Variants in PTPN21 observed in about 807,000 individuals in gnomAD.
The protein encoded by PTPN21 is tyrosine-protein phosphatase non-receptor type 21.
PTPN21 carries 77 observed loss-of-function variants against 131.8 expected under a neutral mutation model. The observed-to-expected ratio is 0.58, with a 90% confidence interval of 0.49 to 0.71. The LOEUF is 0.71. Ranked by LOEUF, PTPN21 falls within the 30% of genes least tolerant of loss-of-function variation. The probability of loss-of-function intolerance (pLI) is 0.00; values close to 1 mark genes in which losing one functional copy is unlikely to be tolerated. For synonymous variants in PTPN21, 715 were observed against 621.3 expected (o/e 1.15, Z -2.24); for missense variants, 1,552 against 1,527.1 (o/e 1.02, Z -0.27).
At chr14:88,522,923 G>A (rs2078417957) in intron 2 of PTPN21, among the ~76,000 whole-genome samples, 1 of 136,602 alleles carries the variant, frequency 7.3e-6, no homozygotes, top group Admixed American at 8.2e-5. Flanking sequence ...TTCTCATCAG[G>A]CAAAGATTTT....
Position 88,473,748 on chromosome 14 carries a change from C to T in PTPN21, c.2566G>A (p.Ala856Thr). Residue 856 changes from alanine (A) to threonine (T), a missense_variant, in exon 14 of 19, where the codon GCC becomes ACC. Transcript: ENST00000556564. Reference sequence around the variant, plus strand: ...CGAGATAGGGAGAGTCCATTTAGGGCAGCCAGTTTAAGAGGACCAATTTTT... The same window carrying T: ...CGAGATAGGGAGAGTCCATTTAGGGTAGCCAGTTTAAGAGGACCAATTTTT... ...AKKIGPLKLA[A>T]LNGLSLSRVP... is the part of the protein sequence containing the mutation. The T allele has an allele frequency of 6.2e-7, 1 of 1,611,006 alleles. No homozygotes were observed. The highest frequency in any genetic ancestry group is 8.5e-7 in the Non-Finnish European group (1 of 1,179,414).
Position 88,479,060 on chromosome 14 carries a change from GC to G in PTPN21, c.2370del (p.Leu791CysfsTer2). 3 of 1,606,888 alleles carry G rather than the reference GC, an allele frequency of 1.9e-6. No homozygotes were observed. Among genetic ancestry groups the G allele is most frequent in the Non-Finnish European group, 2.5e-6 (3 of 1,177,396 alleles). On this transcript the variant is annotated frameshift_variant, in exon 13 of 19. Coordinates refer to ENST00000556564, the MANE Select transcript of PTPN21 (RefSeq NM_007039.4). LOFTEE classifies it high-confidence loss of function. Reference protein sequence around the residue: ...TAEAQRPWRDGLLMPSMSESD... With the variant: ...TAEAQRPWRDXLLMPSMSESD... ...GACTCCGACATGGAGGGCATCAGCAGCCCGTCTCTCCAGGGCCGCTGGGCCT... is the reference window on the plus strand; with the variant it reads ...GACTCCGACATGGAGGGCATCAGCAGCCGTCTCTCCAGGGCCGCTGGGCCT...
In PTPN21 at chr14:88,480,155, C is replaced by T. The variant is rs115558453; in HGVS notation, c.1276G>A (p.Val426Ile). 1.3e-3 allele frequency: 2,132 copies of T among 1,614,136 alleles called. 24 individuals are homozygous for T. In the African/African-American group the frequency reaches 0.023, roughly 18 times the overall value. Residue 426 changes from valine to isoleucine, a missense_variant, in exon 13 of 19, where the codon GTC becomes ATC. Physicochemically the swap from Val to Ile is conservative, Grantham distance 29. Around this residue, in one of 4 missense-constraint regions of PTPN21, gnomAD observed 1,016 missense variants for 883.5 expected, o/e 1.15. Coordinates refer to ENST00000556564, the MANE Select transcript of PTPN21 (RefSeq NM_007039.4). ...GACGGGAGGTAGTCAGGCCTCATGA[C>T]GTCACTCCCGGTGATGCTAGGGTTG... ...SSNPSITGSD[V>I]MRPDYLPSHR...
intron 2 of PTPN21, among the ~76,000 whole-genome samples, chr14:88,546,312 C>T (rs1414047753): frequency 6.6e-6 from 1 of 151,480 alleles, no homozygotes; most frequent in East Asian, 1.9e-4. Context: ...AATCCCAGCA[C>T]TTTGGGAGGC....
At chr14:88,518,273 T>TACAC (rs1555388159) in intron 2 of PTPN21, among the ~76,000 whole-genome samples, 9,931 of 67,968 alleles carry the variant, frequency 0.15, 1,141 homozygotes, top group Non-Finnish European at 0.19. Context: ...TATATATATA[T>TACAC]ACACACACAC....
intron 2 of PTPN21, among the ~76,000 whole-genome samples, chr14:88,521,566 C>CTTT (rs11407992): frequency 0.24 from 31,009 of 130,980 alleles, 3,931 homozygotes; most frequent in East Asian, 0.3. Context: ...CCACGCCCAA[C>CTTT]TTTTTTTTTT....
intron 4 of PTPN21, 92 bp from the exon 5 acceptor site, chr14:88,505,463 G>T (rs1385283122): frequency 5.2e-6 from 4 of 772,328 alleles, no homozygotes; most frequent in Admixed American, 2.6e-5. Flanking sequence ...TATCTAGATG[G>T]TATGCTAATA....
chr14:88,481,176 G>C (rs73314151), intron 12 of PTPN21, among the ~76,000 whole-genome samples: 5,609 of 152,158 alleles, frequency 0.037, 341 homozygotes, highest in African/African-American at 0.13. Context: ...CCTCTGAAAG[G>C]CATTCTTTTT....
intron 2 of PTPN21, among the ~76,000 whole-genome samples, chr14:88,545,756 A>T (rs1486422747): frequency 1.3e-5 from 2 of 152,068 alleles, no homozygotes; most frequent in African/African-American, 4.8e-5. Context: ...AGGTCAGGAG[A>T]TCGAGACCAT....
At chr14:88,520,561 T>C (rs11851459) in intron 2 of PTPN21, among the ~76,000 whole-genome samples, 12,165 of 152,240 alleles carry the variant, frequency 0.08, 771 homozygotes, top group African/African-American at 0.18. Context: ...TCTGTAAGCA[T>C]AGAATATGTA....
chr14:88,520,940 C>T (rs1175093060), intron 2 of PTPN21, among the ~76,000 whole-genome samples: 2 of 152,078 alleles, frequency 1.3e-5, no homozygotes, highest in Non-Finnish European at 1.5e-5. Context: ...AACTCCCAGG[C>T]TCAAGTGATC....
intron 13 of PTPN21, 85 bp downstream of exon 13, chr14:88,478,835 G>A (rs2077585052): frequency 1.1e-6 from 1 of 915,232 alleles, no homozygotes; most frequent in Non-Finnish European, 1.5e-6. Flanking sequence ...AAGAGGAGCT[G>A]AAAAACACGG....
chr14:88,551,717 C>A (rs1410702197), intron 1 of PTPN21: 1 of 152,292 alleles, frequency 6.6e-6, no homozygotes, highest in East Asian at 1.9e-4. Flanking sequence ...CGCTATGCCA[C>A]CCAGGCTGGA....
intron 3 of PTPN21, among the ~76,000 whole-genome samples, chr14:88,513,097 T>A (rs948157863): frequency 2.0e-5 from 3 of 152,218 alleles, no homozygotes; most frequent in Non-Finnish European, 4.4e-5. Flanking sequence ...AGGTTTTTTT[T>A]AAAGTATTAT....
rs2077385101 is a variant in PTPN21 at position 88,467,628 on chromosome 14, A to G, written c.*509T>C. The G allele has an allele frequency of 6.6e-6, 1 of 151,374 alleles. No individual in the cohort carries two copies. Among genetic ancestry groups the G allele is most frequent in the African/African-American group, 2.5e-5 (1 of 40,386 alleles). 9.4% of individuals were successfully genotyped at this position (151,374 alleles called of 1,614,324 possible). A position where few individuals can be genotyped will look rare whatever the true frequency, so the allele number is the denominator to read the frequency against. On this transcript the variant is annotated 3_prime_UTR_variant, in exon 19 of 19. Transcript: ENST00000556564. The stretch of plus-strand genomic sequence containing the variant: ...GTACCCAAGGTTTTTAAAAAATAAC[A>G]AAAGATAATAACATGATTTTTAAAT...
chr14:88,547,141 G>A (rs2078793725), intron 2 of PTPN21, among the ~76,000 whole-genome samples: 1 of 152,134 alleles, frequency 6.6e-6, no homozygotes, highest in Non-Finnish European at 1.5e-5. Context: ...GGAAGGCAAT[G>A]CCTGTGGGTT....
At chr14:88,534,727 A>G (rs2078604929) in intron 2 of PTPN21, among the ~76,000 whole-genome samples, 1 of 151,698 alleles carries the variant, frequency 6.6e-6, no homozygotes, top group Admixed American at 6.6e-5. Flanking sequence ...TACAAAAATT[A>G]GCCAGGTGTG....
intron 3 of PTPN21, among the ~76,000 whole-genome samples, chr14:88,514,178 AT>A (rs1305796054): frequency 2.0e-5 from 3 of 152,102 alleles, no homozygotes; most frequent in African/African-American, 7.2e-5. Context: ...TATTACATCT[AT>A]TTTTTATCTT....
intron 18 of PTPN21, 93 bp from the exon 19 acceptor site, chr14:88,468,358 G>A (rs2295136): frequency 0.38 from 489,454 of 1,279,722 alleles, 96,200 homozygotes; most frequent in Middle Eastern, 0.44. Flanking sequence ...AAACCTGGTT[G>A]GGAGATGGAC....
Sources: allele counts gnomAD v4.1 joint callset (sites outside exome capture counted in the v4.1 genomes callset), GRCh38; gene constraint gnomAD v4.1.1; regional missense constraint gnomAD v4.1.1; transcripts MANE v1.5; gene names NCBI Gene and HGNC (gene_info 2026-07-23, HGNC 2026-07-21).